The following PDE3B variants were observed in gnomAD, a reference collection of about 807,000 sequenced individuals.
PDE3B encodes the protein phosphodiesterase 3B.
A neutral mutation model predicts 116.8 loss-of-function variants in PDE3B; 66 were observed. The ratio of observed to expected loss-of-function variants is 0.56; its 90% confidence interval spans 0.46 to 0.69. The LOEUF is 0.69. Among genes scored for constraint, PDE3B ranks in the 30% least tolerant of loss-of-function variants. PDE3B has a pLI of 0.00. For missense variants in PDE3B, 1,384 were observed against 1,368.1 expected (o/e 1.01, Z -0.18); for synonymous variants, 595 against 533.6 (o/e 1.12, Z -1.59).
intron 1 of PDE3B, among the ~76,000 whole-genome samples, chr11:14,706,781 A>G (rs1206211924): frequency 6.6e-6 from 1 of 152,010 alleles, no homozygotes; most frequent in Non-Finnish European, 1.5e-5. Flanking sequence ...TTGTTAATTC[A>G]TTTTTAGAGT....
At chr11:14,745,433 T>A (rs1049809614) in intron 1 of PDE3B, among the ~76,000 whole-genome samples, 2 of 151,644 alleles carry the variant, frequency 1.3e-5, no homozygotes, top group Non-Finnish European at 2.9e-5. Context: ...AATATGGCAT[T>A]TTTTTTTAAC....
intron 2 of PDE3B, among the ~76,000 whole-genome samples, chr11:14,778,909 A>G (rs1187129162): frequency 3.3e-5 from 5 of 152,210 alleles, no homozygotes; most frequent in Admixed American, 3.3e-4. Flanking sequence ...CATCGCAAAG[A>G]AGCCAAAAAC....
chr11:14,715,537 T>A (rs1855851872), intron 1 of PDE3B, among the ~76,000 whole-genome samples: 1 of 152,190 alleles, frequency 6.6e-6, no homozygotes, highest in African/African-American at 2.4e-5. Flanking sequence ...GAATGGCAGT[T>A]CACTCATGAT....
At chr11:14,706,924 C>A (rs1378792732) in intron 1 of PDE3B, among the ~76,000 whole-genome samples, 1 of 151,724 alleles carries the variant, frequency 6.6e-6, no homozygotes, top group Non-Finnish European at 1.5e-5. Flanking sequence ...TCAAGATTTC[C>A]CCCTTACTCT....
chr11:14,731,347 G>A (rs552008603), intron 1 of PDE3B, among the ~76,000 whole-genome samples: 21 of 148,626 alleles, frequency 1.4e-4, no homozygotes, highest in Non-Finnish European at 1.9e-4. Context: ...CAAGTTCCGC[G>A]TCCCGAGTTC....
chr11:14,810,338 C>A (rs987974078), intron 5 of PDE3B, among the ~76,000 whole-genome samples: 4 of 122,884 alleles, frequency 3.3e-5, no homozygotes, highest in African/African-American at 1.2e-4. Context: ...CCACAACAGT[C>A]CCCAGAGTGT....
At chr11:14,838,365 T>C (rs779601947) in intron 11 of PDE3B, among the ~76,000 whole-genome samples, 5 of 152,156 alleles carry the variant, frequency 3.3e-5, no homozygotes, top group Non-Finnish European at 7.4e-5. Flanking sequence ...TGAAATACAA[T>C]GCAAATGAGT....
At chr11:14,775,158 C>T (rs900903109) in intron 2 of PDE3B, 2 of 152,010 alleles carry the variant, frequency 1.3e-5, no homozygotes, top group Non-Finnish European at 2.9e-5. Context: ...TATATACGAC[C>T]CTTTATTACT....
chr11:14,769,745 G>A (rs1185657486), intron 1 of PDE3B, among the ~76,000 whole-genome samples: 1 of 147,266 alleles, frequency 6.8e-6, no homozygotes, highest in Non-Finnish European at 1.5e-5. Context: ...CAGTATATCT[G>A]TTTGTATACT....
At chr11:14,892,099 G>C in the PDE3B span, 1 of 1,611,658 alleles carries the variant, frequency 6.2e-7, no homozygotes, top group Non-Finnish European at 8.5e-7. Flanking sequence ...GAAGCCCATC[G>C]GCCGCCTCTG....
intron 1 of PDE3B, among the ~76,000 whole-genome samples, chr11:14,722,510 A>C (rs978148805): frequency 6.6e-6 from 1 of 152,216 alleles, no homozygotes; most frequent in Non-Finnish European, 1.5e-5. Flanking sequence ...CCGTTTTGTA[A>C]GATTTGTTGA....
At chr11:14,701,966 T>G (rs1357245715) in intron 1 of PDE3B, among the ~76,000 whole-genome samples, 1 of 151,662 alleles carries the variant, frequency 6.6e-6, no homozygotes, top group Non-Finnish European at 1.5e-5. Flanking sequence ...GTCTTTTTAC[T>G]TTTTAATTTT....
chr11:14,878,622 C>T, the PDE3B span, among the ~76,000 whole-genome samples: 16 of 152,066 alleles, frequency 1.1e-4, no homozygotes, highest in African/African-American at 3.1e-4. Flanking sequence ...AAGAACAGTC[C>T]ACTTCATTTC....
intron 4 of PDE3B, among the ~76,000 whole-genome samples, chr11:14,799,554 T>G (rs1858676462): frequency 6.6e-6 from 1 of 152,082 alleles, no homozygotes; most frequent in Non-Finnish European, 1.5e-5. Context: ...CCACTATTAT[T>G]GTGTAGGAGT....
chr11:14,854,640 C>T (rs1349594664), intron 12 of PDE3B, among the ~76,000 whole-genome samples: 4 of 151,992 alleles, frequency 2.6e-5, no homozygotes, highest in African/African-American at 9.7e-5. Flanking sequence ...GCTTCAGCTT[C>T]CGAGTAGCTG....
At chr11:14,799,652 C>A (rs150146019) in intron 4 of PDE3B, among the ~76,000 whole-genome samples, 5 of 151,046 alleles carry the variant, frequency 3.3e-5, no homozygotes, top group African/African-American at 1.2e-4. Flanking sequence ...ATGGTTAGCT[C>A]TTTTGCATTT....
At chr11:14,722,077 C>A (rs191470436) in intron 1 of PDE3B, among the ~76,000 whole-genome samples, 203 of 150,770 alleles carry the variant, frequency 1.3e-3, no homozygotes, top group African/African-American at 4.7e-3. Context: ...CAAAACACCG[C>A]ATGTTCTCAC....
chr11:14,648,811 G>A (rs1047045870), intron 1 of PDE3B, among the ~76,000 whole-genome samples: 6 of 151,930 alleles, frequency 3.9e-5, no homozygotes. Flanking sequence ...CTCTCCACAT[G>A]CATTCTAGCT....
intron 14 of PDE3B, among the ~76,000 whole-genome samples, chr11:14,865,540 G>C (rs1297760806): frequency 2.0e-5 from 3 of 152,174 alleles, no homozygotes; most frequent in African/African-American, 7.2e-5. Context: ...ACACCCACCA[G>C]CTAAACATCC....
Sources: allele counts gnomAD v4.1 joint callset (sites outside exome capture counted in the v4.1 genomes callset), GRCh38; gene constraint gnomAD v4.1.1; transcripts MANE v1.5; gene names NCBI Gene and HGNC (gene_info 2026-07-23, HGNC 2026-07-21).